DHX35: variants seen among roughly 807,000 people sequenced by gnomAD.
DHX35 encodes the protein probable ATP-dependent RNA helicase DHX35.
In DHX35, 84 loss-of-function variants were observed where a neutral mutation model predicts 99.6. The observed-to-expected ratio is 0.84, with a 90% CI of 0.71 to 1.01. DHX35 has a LOEUF of 1.01. Ranked by LOEUF, DHX35 falls within the 50% of genes least tolerant of loss-of-function variation. The pLI is 0.00. For missense variants in DHX35, 852 were observed against 888.5 expected (o/e 0.96, Z 0.52); for synonymous variants, 331 against 316.2 (o/e 1.05, Z -0.50).
Position 39,038,592 on chromosome 20 carries a change from A to C in DHX35, c.*49A>C. The C allele has an allele frequency of 6.3e-7, 1 of 1,586,568 alleles. No individual in the cohort carries two copies. Among genetic ancestry groups the C allele is most frequent in the African/African-American group, 1.3e-5 (1 of 74,590 alleles). ...AGGGACTGCTGGCGTCCTCTCCTCCATGCTGCTGCCCCTGGTCCCAGGTGG... is the reference window on the plus strand; with the variant it reads ...AGGGACTGCTGGCGTCCTCTCCTCCCTGCTGCTGCCCCTGGTCCCAGGTGG... On this transcript the variant is annotated 3_prime_UTR_variant, in exon 22 of 22. Coordinates refer to ENST00000252011, the MANE Select transcript of DHX35 (RefSeq NM_021931.4).
chr20:38,978,464 A>C, intron 3 of DHX35: 1 of 541,542 alleles, frequency 1.8e-6, no homozygotes, highest in Non-Finnish European at 3.4e-6. Flanking sequence ...AGGCGGATGG[A>C]GATAAATGAC....
chr20:39,007,778 G>A (rs375279563), intron 12 of DHX35, among the ~76,000 whole-genome samples: 12 of 152,234 alleles, frequency 7.9e-5, no homozygotes, highest in African/African-American at 2.6e-4. Context: ...GAGGACCAAG[G>A]GCAACCACTG....
At chr20:39,014,233 T>C (rs565315195) in intron 13 of DHX35, among the ~76,000 whole-genome samples, 3 of 152,312 alleles carry the variant, frequency 2.0e-5, no homozygotes, top group South Asian at 4.1e-4. Flanking sequence ...AGAAAAAATA[T>C]GATGCCTGGC....
At chr20:39,009,617 C>T (rs1340660032) in intron 12 of DHX35, among the ~76,000 whole-genome samples, 1 of 152,038 alleles carries the variant, frequency 6.6e-6, no homozygotes, top group African/African-American at 2.4e-5. Context: ...CCCACCCTTC[C>T]TGCCTAGCTT....
chr20:38,981,075 C>G (rs1283929620), intron 3 of DHX35, among the ~76,000 whole-genome samples: 3 of 152,178 alleles, frequency 2.0e-5, no homozygotes, highest in African/African-American at 7.2e-5. Context: ...TGCATCATTT[C>G]AAGGGTTCAT....
chr20:38,974,753 A>G (rs1196243702), intron 3 of DHX35, among the ~76,000 whole-genome samples: 6 of 152,194 alleles, frequency 3.9e-5, no homozygotes, highest in African/African-American at 1.4e-4. Context: ...ATCAACATTC[A>G]GGAGTCAGGA....
At chr20:39,020,656 CTTTTTTT>C (rs57246257) in intron 15 of DHX35, among the ~76,000 whole-genome samples, 2 of 105,218 alleles carry the variant, frequency 1.9e-5, no homozygotes, top group Admixed American at 1.1e-4. Context: ...AAACAGGATT[CTTTTTTT>C]TTTTTTTTTT....
intron 11 of DHX35, 113 bp downstream of exon 11, chr20:39,004,020 C>T: frequency 8.3e-7 from 1 of 1,207,742 alleles, no homozygotes; most frequent in South Asian, 1.4e-5. Context: ...GTCCATATTT[C>T]TGTGTAGTAG....
chr20:38,991,003 TC>T (rs1438434247), intron 5 of DHX35, among the ~76,000 whole-genome samples: 2 of 152,198 alleles, frequency 1.3e-5, no homozygotes, highest in South Asian at 2.1e-4. Flanking sequence ...TTAACCATGA[TC>T]CTATCTAGAG....
intron 17 of DHX35, among the ~76,000 whole-genome samples, chr20:39,024,992 G>A (rs2086930041): frequency 6.6e-6 from 1 of 152,310 alleles, no homozygotes; most frequent in East Asian, 1.9e-4. Context: ...CCGTTTCTGC[G>A]TGTCATTAAG....
chr20:38,962,805 G>A (rs1179624359), intron 1 of DHX35: 2 of 227,574 alleles, frequency 8.8e-6, no homozygotes, highest in Non-Finnish European at 1.7e-5. Context: ...CCAAGTTATG[G>A]AGTCAGACTG....
At chr20:39,006,101 A>G in intron 11 of DHX35, 45 bp from the exon 12 acceptor site, 7 of 1,589,428 alleles carry the variant, frequency 4.4e-6, no homozygotes, top group Non-Finnish European at 6.0e-6. Flanking sequence ...GTTAAAAGCA[A>G]AAAGAATAAA....
chr20:39,026,184 G>A lies in DHX35; in HGVS notation c.1801+825G>A, dbSNP rs115418424. 8.7e-3 allele frequency among the ~76,000 whole-genome samples: 1,329 copies of A among 152,282 alleles called. 18 individuals are homozygous for A. The highest frequency in any genetic ancestry group is 0.031 in the African/African-American group (1,274 of 41,554). The stretch of plus-strand genomic sequence containing the variant: ...GAGTGCTTATAAGTGGCTAGACAGT[G>A]CACTGAGTGTTCCATGTGTTTATTA... On this transcript the variant is annotated intron_variant, in intron 18 of 21. Coordinates refer to ENST00000252011, the MANE Select transcript of DHX35 (RefSeq NM_021931.4).
intron 3 of DHX35, among the ~76,000 whole-genome samples, chr20:38,975,642 G>A (rs1052317901): frequency 6.6e-6 from 1 of 152,116 alleles, no homozygotes; most frequent in African/African-American, 2.4e-5. Context: ...ACTATGTTCT[G>A]GTAACAAAGA....
chr20:39,017,261 G>A (rs1188694486), intron 14 of DHX35, among the ~76,000 whole-genome samples: 16 of 152,120 alleles, frequency 1.1e-4, no homozygotes, highest in African/African-American at 3.6e-4. Flanking sequence ...TCTGTGAATA[G>A]CCAATTACTG....
intron 18 of DHX35, among the ~76,000 whole-genome samples, chr20:39,025,912 A>T (rs994372614): frequency 1.3e-5 from 2 of 152,150 alleles, no homozygotes; most frequent in Non-Finnish European, 2.9e-5. Flanking sequence ...TCTCTTGCTC[A>T]ATCTCGCACT....
At chr20:39,037,576 C>G (rs2087175917) in intron 21 of DHX35, among the ~76,000 whole-genome samples, 1 of 152,152 alleles carries the variant, frequency 6.6e-6, no homozygotes, top group Admixed American at 6.5e-5. Context: ...GTTGTGGGGC[C>G]ATGTGGCTGT....
At chr20:39,027,005 A>G (rs754954393) in intron 18 of DHX35, among the ~76,000 whole-genome samples, 1 of 152,154 alleles carries the variant, frequency 6.6e-6, no homozygotes, top group Non-Finnish European at 1.5e-5. Context: ...ATACTAAGGA[A>G]TAAGATTTTG....
At chr20:38,974,726 G>T (rs2086050887) in intron 3 of DHX35, among the ~76,000 whole-genome samples, 1 of 152,088 alleles carries the variant, frequency 6.6e-6, no homozygotes, top group Non-Finnish European at 1.5e-5. Context: ...GAGGATTAAG[G>T]ACAAAGTCCA....
Sources: gnomAD v4.1 joint callset for allele counts (sites outside exome capture counted in the v4.1 genomes callset) on GRCh38, gnomAD v4.1.1 for gene constraint, MANE v1.5 for transcripts, NCBI Gene and HGNC (gene_info 2026-07-23, HGNC 2026-07-21) for gene names.